Variants in URI1 observed in about 807,000 individuals in gnomAD.
URI1 encodes the protein unconventional prefoldin RPB5 interactor 1.
URI1 carries 39 observed loss-of-function variants against 60.2 expected under a neutral mutation model. The observed-to-expected ratio is 0.65, with a 90% CI of 0.50 to 0.85. URI1 has a LOEUF of 0.85. Among genes scored for constraint, URI1 ranks in the 40% least tolerant of loss-of-function variants. The pLI, the probability that URI1 is intolerant of heterozygous loss-of-function variation, is 0.00. For synonymous variants in URI1, 251 were observed against 236.8 expected, an observed-to-expected ratio of 1.06 and a Z score of -0.55; for missense variants, 691 against 665.9, an observed-to-expected ratio of 1.04 and a Z score of -0.42.
chr19:29,930,033 G>A (rs2054903343), intron 1 of URI1, among the ~76,000 whole-genome samples: 1 of 150,790 alleles, frequency 6.6e-6, no homozygotes, highest in African/African-American at 2.4e-5. Context: ...TCTGCCTCCA[G>A]GGTTCAAGTG....
chr19:29,960,131 T>G (rs2055303386), intron 1 of URI1, among the ~76,000 whole-genome samples: 1 of 152,208 alleles, frequency 6.6e-6, no homozygotes, highest in Non-Finnish European at 1.5e-5. Flanking sequence ...CTTATTTTTC[T>G]GTTTCTCTAG....
At chr19:29,973,959 T>C (rs1289105076) in intron 2 of URI1, among the ~76,000 whole-genome samples, 1 of 152,184 alleles carries the variant, frequency 6.6e-6, no homozygotes, top group African/African-American at 2.4e-5. Context: ...CACACACTGT[T>C]ACCTCCTTAA....
At chr19:29,999,942 AT>A (rs1478686579) in intron 4 of URI1, among the ~76,000 whole-genome samples, 1 of 147,092 alleles carries the variant, frequency 6.8e-6, no homozygotes, top group Non-Finnish European at 1.5e-5. Context: ...TTTTATTCAT[AT>A]TTTCCAGTGG....
At chr19:29,945,054 A>T (rs1180467733) in intron 1 of URI1, among the ~76,000 whole-genome samples, 2 of 152,146 alleles carry the variant, frequency 1.3e-5, no homozygotes, top group Non-Finnish European at 2.9e-5. Context: ...GTATTCCTTT[A>T]TGAAAGATGA....
chr19:30,006,755 CT>C (rs2055948247), intron 6 of URI1, among the ~76,000 whole-genome samples: 1 of 152,052 alleles, frequency 6.6e-6, no homozygotes. Flanking sequence ...TTTCCCATTA[CT>C]TTGCTTTAAT....
intron 1 of URI1, among the ~76,000 whole-genome samples, chr19:29,959,132 GT>G (rs2055289106): frequency 6.6e-6 from 1 of 151,970 alleles, no homozygotes; most frequent in Non-Finnish European, 1.5e-5. Flanking sequence ...TGTGTGTTTT[GT>G]TTTTGTTTTT....
intron 1 of URI1, among the ~76,000 whole-genome samples, chr19:29,937,190 A>G (rs1246779367): frequency 6.6e-6 from 1 of 152,128 alleles, no homozygotes; most frequent in Non-Finnish European, 1.5e-5. Context: ...AGTTCAAGCT[A>G]TTGTACTTTT....
rs1475597277 is a variant in URI1, at chr19:30,009,076, C to G, written c.758C>G (p.Thr253Arg). The change falls in exon 8 of 11, where the codon ACA becomes AGA. Residue 253 changes from threonine (T) to arginine (R), a missense_variant. Physicochemically the swap from Thr to Arg is moderately conservative, Grantham distance 71. Transcript: ENST00000392271. ...GAAGAGGAAAAGGAAGATCGTAACA[C>G]AAATGTGAATGCGATGCATCAAGTA... is the stretch of plus-strand genomic sequence containing the variant. ...SSEEEKEDRN[T>R]NVNAMHQVTD... 1 of 1,613,762 alleles carries G rather than the reference C, an allele frequency of 6.2e-7. No homozygotes were observed. The highest frequency in any genetic ancestry group is 8.5e-7 in the Non-Finnish European group (1 of 1,179,902).
intron 1 of URI1, among the ~76,000 whole-genome samples, chr19:29,935,700 CT>C (rs34820413): frequency 0.01 from 1,350 of 131,712 alleles, 26 homozygotes; most frequent in African/African-American, 0.025. Flanking sequence ...GGTTGACAGT[CT>C]TTTTTTTTTT....
At chr19:30,004,165 T>C (rs570134073) in intron 4 of URI1, 7 of 152,224 alleles carry the variant, frequency 4.6e-5, no homozygotes, top group African/African-American at 1.7e-4. Flanking sequence ...TTTAATGATC[T>C]AGAGCGACAT....
chr19:30,002,955 T>A (rs892526669), intron 4 of URI1, among the ~76,000 whole-genome samples: 15 of 151,978 alleles, frequency 9.9e-5, no homozygotes, highest in African/African-American at 3.6e-4. Context: ...ATTGATTGAG[T>A]CTGTTTAAAT....
At chr19:30,008,067 T>C (rs1359609350) in intron 7 of URI1, among the ~76,000 whole-genome samples, 1 of 152,180 alleles carries the variant, frequency 6.6e-6, no homozygotes, top group South Asian at 2.1e-4. Flanking sequence ...TTAAATTTGA[T>C]ACAGTAAAAT....
At chr19:29,958,349 C>G (rs554621453) in intron 1 of URI1, among the ~76,000 whole-genome samples, 1 of 152,032 alleles carries the variant, frequency 6.6e-6, no homozygotes, top group East Asian at 1.9e-4. Flanking sequence ...TACAGATGTT[C>G]GTAGTTGGCT....
chr19:29,978,826 A>G (rs2055557541), intron 2 of URI1, among the ~76,000 whole-genome samples: 1 of 152,214 alleles, frequency 6.6e-6, no homozygotes, highest in Non-Finnish European at 1.5e-5. Flanking sequence ...TTTTTAAGTC[A>G]GTTGATAATT....
At chr19:30,011,586 T>C (rs2056020412) in intron 9 of URI1, among the ~76,000 whole-genome samples, 1 of 151,934 alleles carries the variant, frequency 6.6e-6, no homozygotes, top group African/African-American at 2.4e-5. Flanking sequence ...GCATGCAGTT[T>C]ACCTTTTCAG....
intron 10 of URI1, among the ~76,000 whole-genome samples, chr19:30,014,668 T>C (rs1311093131): frequency 6.6e-6 from 1 of 152,156 alleles, no homozygotes; most frequent in Non-Finnish European, 1.5e-5. Flanking sequence ...TTTGTTTTCT[T>C]GCATGTATAC....
upstream of URI1, among the ~76,000 whole-genome samples, chr19:29,941,622 TAAA>T (rs1436201029): frequency 7.2e-6 from 1 of 139,046 alleles, no homozygotes. Flanking sequence ...CTCAGTCTCT[TAAA>T]AAAAAAAAAA....
intron 1 of URI1, chr19:29,925,558 G>A (rs2054858191): frequency 6.6e-6 from 1 of 152,224 alleles, no homozygotes; most frequent in African/African-American, 2.4e-5. Flanking sequence ...TTTAATGAAT[G>A]AAGGCTGAAG....
intron 4 of URI1, among the ~76,000 whole-genome samples, chr19:29,986,937 C>T (rs1037891442): frequency 2.0e-5 from 3 of 152,076 alleles, no homozygotes; most frequent in Non-Finnish European, 4.4e-5. Context: ...AAACAGCACC[C>T]TTATCCTTTT....
Sources: allele counts gnomAD v4.1 joint callset (sites outside exome capture counted in the v4.1 genomes callset), GRCh38; gene constraint gnomAD v4.1.1; transcripts MANE v1.5; gene names NCBI Gene and HGNC (gene_info 2026-07-23, HGNC 2026-07-21).